GRID1: variants seen among roughly 807,000 people sequenced by gnomAD.
GRID1 encodes glutamate ionotropic receptor delta type subunit 1, also known as glutamate receptor ionotropic, delta-1.
GRID1 carries 28 observed loss-of-function variants against 98.0 expected under a neutral mutation model. The ratio of observed to expected loss-of-function variants is 0.29; its 90% CI spans 0.21 to 0.39. The LOEUF (loss-of-function observed/expected upper bound fraction) is 0.39. GRID1 is among the 10% of genes least tolerant of loss of function. GRID1 has a pLI of 1.00. For missense variants in GRID1, 1,111 were observed against 1,340.5 expected (o/e 0.83, Z 2.67); for synonymous variants, 553 against 538.5 (o/e 1.03, Z -0.37).
chr10:86,186,065 G>A (rs1216345494), intron 3 of GRID1, among the ~76,000 whole-genome samples: 1 of 152,178 alleles, frequency 6.6e-6, no homozygotes, highest in Non-Finnish European at 1.5e-5. Context: ...TTTCTCTGAG[G>A]TTTTTAAACT....
chr10:86,114,292 C>G lies in GRID1; in HGVS notation c.726+24527G>C, dbSNP rs149107846. ...GGAGGCAGGCACCTTCCTGGAGGGA[C>G]TAACCTTGTGGTCTATGCTTTCCTC... is the stretch of plus-strand genomic sequence containing the variant. On this transcript the variant is annotated intron_variant, in intron 4 of 15. Transcript: ENST00000327946. Among the ~76,000 whole-genome samples the G allele has an allele frequency of 3.8e-3, 572 of 152,256 alleles. 2 individuals are homozygous for G. Among genetic ancestry groups the G allele is most frequent in the Non-Finnish European group, 5.9e-3 (402 of 68,014 alleles).
At chr10:85,670,293 AC>A (rs1841069771) in intron 12 of GRID1, among the ~76,000 whole-genome samples, 1 of 152,130 alleles carries the variant, frequency 6.6e-6, no homozygotes, top group South Asian at 2.1e-4. Flanking sequence ...CGATTCAAAG[AC>A]CAAAATGCTC....
chr10:85,641,550 G>T (rs914395080), intron 13 of GRID1, among the ~76,000 whole-genome samples: 1 of 152,204 alleles, frequency 6.6e-6, no homozygotes, highest in Admixed American at 6.5e-5. Context: ...GAAGAGGCAC[G>T]AGTGGAATGA....
Position 85,724,508 on chromosome 10 carries a change from A to T in GRID1, c.1702T>A (p.Cys568Ser). 6.2e-7 allele frequency: 1 copy of T among 1,614,144 alleles called. No homozygotes were observed. Among genetic ancestry groups the T allele is most frequent in the African/African-American group, 1.3e-5 (1 of 75,070 alleles). The change falls in exon 11 of 16, where the codon TGC becomes AGC. Residue 568 changes from cysteine (C) to serine (S), a missense_variant. By Grantham distance (112) the Cys-to-Ser change is moderately radical. This residue lies in a region of GRID1 where 762 missense variants were observed against 869.1 expected (regional missense o/e 0.88). Transcript: ENST00000327946. ...FAPFDFAVWA[C>S]IAAAIPVVGV... ...ACCACAGGGATGGCTGCTGCAATGC[A>T]GGCCCACACAGCGAAATCAAATGGA...
intron 8 of GRID1, among the ~76,000 whole-genome samples, chr10:85,753,433 A>C (rs920508020): frequency 1.3e-5 from 2 of 152,184 alleles, no homozygotes; most frequent in African/African-American, 4.8e-5. Flanking sequence ...TTAAGGATTC[A>C]GAGAGTTTAT....
chr10:85,830,719 T>C (rs534989125), intron 8 of GRID1, among the ~76,000 whole-genome samples: 1 of 152,212 alleles, frequency 6.6e-6, no homozygotes, highest in Non-Finnish European at 1.5e-5. Flanking sequence ...AAGTGTTACA[T>C]ATCACTAATC....
chr10:85,969,829 G>A lies in GRID1; in HGVS notation c.727-53590C>T, dbSNP rs192096546. ...CTAACACCAAAATAAGGAAAATTAA[G>A]GAAATAATAAAGATTGGAATGGAAA... On this transcript the variant is annotated intron_variant, in intron 4 of 15. Coordinates refer to ENST00000327946, the MANE Select transcript of GRID1 (RefSeq NM_017551.3). Among the ~76,000 whole-genome samples the A allele has an allele frequency of 1.6e-3, 239 of 149,778 alleles. 1 individual carries two copies. The highest frequency in any genetic ancestry group is 8.6e-3 in the Admixed American group (129 of 15,006).
At chr10:85,666,335 G>T (rs1841018930) in intron 12 of GRID1, among the ~76,000 whole-genome samples, 1 of 152,146 alleles carries the variant, frequency 6.6e-6, no homozygotes, top group African/African-American at 2.4e-5. Flanking sequence ...GAAATGAACA[G>T]ATGTTTCTCA....
At chr10:86,109,286 C>T (rs554964089) in intron 4 of GRID1, among the ~76,000 whole-genome samples, 46 of 152,322 alleles carry the variant, frequency 3.0e-4, no homozygotes, top group Middle Eastern at 3.4e-3. Context: ...GCAAATCTGA[C>T]GTGCAAAGAA....
chr10:86,305,104 T>TA (rs1847741147), intron 2 of GRID1, among the ~76,000 whole-genome samples: 1 of 144,114 alleles, frequency 6.9e-6, no homozygotes, highest in African/African-American at 2.7e-5. Context: ...CTGAAGGGCT[T>TA]AAGGAAAAAA....
At chr10:85,953,404 A>ACC (rs1842150254) in intron 4 of GRID1, among the ~76,000 whole-genome samples, 1 of 152,226 alleles carries the variant, frequency 6.6e-6, no homozygotes. Context: ...AGGAAAAATA[A>ACC]CTAATGGGTA....
intron 4 of GRID1, among the ~76,000 whole-genome samples, chr10:85,942,721 T>C (rs946434180): frequency 6.6e-6 from 1 of 152,246 alleles, no homozygotes; most frequent in Non-Finnish European, 1.5e-5. Flanking sequence ...CAAAAGTCTA[T>C]TTTGAAATTC....
At chr10:86,141,654 T>C (rs983100658) in intron 3 of GRID1, among the ~76,000 whole-genome samples, 2 of 152,176 alleles carry the variant, frequency 1.3e-5, no homozygotes, top group Non-Finnish European at 2.9e-5. Flanking sequence ...CATTAAAACG[T>C]CAATTAATTG....
intron 4 of GRID1, among the ~76,000 whole-genome samples, chr10:86,053,508 G>A (rs1341984848): frequency 3.3e-5 from 5 of 151,910 alleles, no homozygotes; most frequent in Admixed American, 3.3e-4. Flanking sequence ...ATAGGCATGC[G>A]CCACCATGCC....
At chr10:85,934,565 G>C (rs1165771874) in intron 4 of GRID1, among the ~76,000 whole-genome samples, 2 of 151,842 alleles carry the variant, frequency 1.3e-5, no homozygotes, top group African/African-American at 4.8e-5. Flanking sequence ...TAGTGCTCTG[G>C]GACAAAAATC....
intron 2 of GRID1, among the ~76,000 whole-genome samples, chr10:86,270,495 C>T (rs534141360): frequency 1.8e-4 from 28 of 152,234 alleles, no homozygotes; most frequent in Admixed American, 5.9e-4. Flanking sequence ...TTCGAAACCA[C>T]CCTGGCCAAC....
intron 3 of GRID1, among the ~76,000 whole-genome samples, chr10:86,177,215 T>C (rs1281237829): frequency 2.6e-5 from 4 of 152,008 alleles, no homozygotes; most frequent in African/African-American, 9.7e-5. Context: ...TCCTGAGAAC[T>C]TACTTGCCTT....
chr10:85,836,907 G>T (rs1420492406), intron 8 of GRID1, among the ~76,000 whole-genome samples: 1 of 152,184 alleles, frequency 6.6e-6, no homozygotes, highest in Non-Finnish European at 1.5e-5. Context: ...AAGCCCGACA[G>T]GTGGAGAGCT....
chr10:85,653,743 T>C (rs1282999154), intron 12 of GRID1, among the ~76,000 whole-genome samples: 1 of 152,074 alleles, frequency 6.6e-6, no homozygotes, highest in Non-Finnish European at 1.5e-5. Flanking sequence ...AGATGGTATT[T>C]TTATAAGGAG....
Sources: allele counts gnomAD v4.1 joint callset (sites outside exome capture counted in the v4.1 genomes callset), GRCh38; gene constraint gnomAD v4.1.1; regional missense constraint gnomAD v4.1.1; transcripts MANE v1.5; gene names NCBI Gene and HGNC (gene_info 2026-07-23, HGNC 2026-07-21).